The following ADGRL2 variants were observed in gnomAD, a reference collection of about 807,000 sequenced individuals.
ADGRL2 encodes calcium-independent alpha-latrotoxin receptor 2.
ADGRL2 carries 44 observed loss-of-function variants against 157.4 expected under a neutral mutation model. The ratio of observed to expected loss-of-function variants is 0.28; its 90% CI spans 0.22 to 0.36. The LOEUF (loss-of-function observed/expected upper bound fraction) is 0.36, where lower values mean the gene tolerates loss of function less well. ADGRL2 is among the 10% of genes least tolerant of loss of function. ADGRL2 has a pLI of 1.00. For missense variants in ADGRL2, 1,510 were observed against 1,768.9 expected (o/e 0.85, Z 2.63); for synonymous variants, 585 against 624.7 (o/e 0.94, Z 0.95).
At chr1:81,628,376 G>C (rs999441167) in intron 3 of ADGRL2, among the ~76,000 whole-genome samples, 1 of 152,116 alleles carries the variant, frequency 6.6e-6, no homozygotes, top group East Asian at 1.9e-4. Context: ...TGGATACTTA[G>C]TAATATTTTC....
chr1:81,684,888 G>C (rs1418014695), intron 3 of ADGRL2, among the ~76,000 whole-genome samples: 1 of 152,148 alleles, frequency 6.6e-6, no homozygotes, highest in African/African-American at 2.4e-5. Flanking sequence ...TTGTTGAAAA[G>C]GGTGTCCTTT....
chr1:81,591,764 G>A (rs935123095), intron 3 of ADGRL2, among the ~76,000 whole-genome samples: 5 of 152,094 alleles, frequency 3.3e-5, no homozygotes, highest in Non-Finnish European at 5.9e-5. Context: ...CTGCCCTATT[G>A]GAGTGCCCCA....
chr1:81,676,475 A>T (rs1280663007), intron 3 of ADGRL2, among the ~76,000 whole-genome samples: 2 of 151,778 alleles, frequency 1.3e-5, no homozygotes, highest in Non-Finnish European at 2.9e-5. Context: ...TTTTTAAAAA[A>T]TTTTTTGTAG....
chr1:81,507,963 C>T (rs2079008751), intron 2 of ADGRL2, among the ~76,000 whole-genome samples: 1 of 152,076 alleles, frequency 6.6e-6, no homozygotes, highest in Non-Finnish European at 1.5e-5. Context: ...AAATAGAAAA[C>T]ATTTCTTTTT....
At chr1:81,580,461 G>T (rs2080884044) in intron 2 of ADGRL2, among the ~76,000 whole-genome samples, 1 of 152,104 alleles carries the variant, frequency 6.6e-6, no homozygotes, top group African/African-American at 2.4e-5. Flanking sequence ...TGCCAGTGAT[G>T]CTGGGTGCCC....
At chr1:81,811,866 G>T (rs184955899) in intron 1 of ADGRL2, among the ~76,000 whole-genome samples, 1 of 151,362 alleles carries the variant, frequency 6.6e-6, no homozygotes, top group Non-Finnish European at 1.5e-5. Context: ...TAAATGAGCC[G>T]GGCAGCTTTT....
intron 1 of ADGRL2, among the ~76,000 whole-genome samples, chr1:81,746,342 G>A (rs572410073): frequency 6.6e-5 from 10 of 152,060 alleles, no homozygotes; most frequent in East Asian, 3.9e-4. Context: ...AGGCTTGAGG[G>A]CAGTGGTGTG....
At chr1:81,565,615 T>C (rs2080541282) in intron 2 of ADGRL2, among the ~76,000 whole-genome samples, 1 of 152,174 alleles carries the variant, frequency 6.6e-6, no homozygotes, top group Non-Finnish European at 1.5e-5. Context: ...CCCTCAGCCA[T>C]TTTCCTTCAT....
At chr1:81,885,223 T>G (rs1252394633) in intron 2 of ADGRL2, among the ~76,000 whole-genome samples, 1 of 152,236 alleles carries the variant, frequency 6.6e-6, no homozygotes, top group African/African-American at 2.4e-5. Context: ...CTTATAATAC[T>G]TGATTTATAA....
At chr1:81,428,158 G>C (rs1475982373) in intron 1 of ADGRL2, among the ~76,000 whole-genome samples, 1 of 152,080 alleles carries the variant, frequency 6.6e-6, no homozygotes, top group African/African-American at 2.4e-5. Flanking sequence ...AATGTAAGGG[G>C]AATCTATTCT....
At chr1:81,712,691 G>A (rs1448652740) in intron 1 of ADGRL2, among the ~76,000 whole-genome samples, 1 of 151,032 alleles carries the variant, frequency 6.6e-6, no homozygotes, top group Non-Finnish European at 1.5e-5. Context: ...TATATTAGGT[G>A]TAAGATAAGC....
At chr1:81,988,335 C>T (rs1165659820) in intron 23 of ADGRL2, 1 of 152,060 alleles carries the variant, frequency 6.6e-6, no homozygotes, top group African/African-American at 2.4e-5. Flanking sequence ...GGATTATATC[C>T]AGTGTATAGT....
intron 1 of ADGRL2, among the ~76,000 whole-genome samples, chr1:81,391,317 G>A (rs967596876): frequency 7.2e-5 from 11 of 152,294 alleles, no homozygotes; most frequent in African/African-American, 2.2e-4. Flanking sequence ...CAACACCACT[G>A]CAGCAAGTGC....
intron 4 of ADGRL2, among the ~76,000 whole-genome samples, chr1:81,940,404 G>C (rs1647452456): frequency 6.6e-6 from 1 of 151,494 alleles, no homozygotes; most frequent in African/African-American, 2.4e-5. Context: ...AGGACTAGTG[G>C]TTTATACAAA....
intron 2 of ADGRL2, among the ~76,000 whole-genome samples, chr1:81,499,699 A>T (rs2078803389): frequency 6.6e-6 from 1 of 152,222 alleles, no homozygotes; most frequent in Non-Finnish European, 1.5e-5. Flanking sequence ...TTCCACTACT[A>T]GCAAGCCCCA....
chr1:81,649,323 G>T (rs1446283930), intron 3 of ADGRL2, among the ~76,000 whole-genome samples: 3 of 152,202 alleles, frequency 2.0e-5, no homozygotes, highest in Non-Finnish European at 4.4e-5. Context: ...CTGATTCAAA[G>T]AATTTGCAAC....
At chr1:81,597,079 A>G (rs17106776) in intron 3 of ADGRL2, among the ~76,000 whole-genome samples, 22,738 of 152,242 alleles carry the variant, frequency 0.15, 1,925 homozygotes, top group Non-Finnish European at 0.18. Flanking sequence ...CAAACAAAGA[A>G]AAGATGGAAA....
intron 3 of ADGRL2, among the ~76,000 whole-genome samples, chr1:81,619,032 A>G (rs1276648925): frequency 6.6e-6 from 1 of 152,228 alleles, no homozygotes; most frequent in Non-Finnish European, 1.5e-5. Context: ...TGGAAGGATC[A>G]TTAATTAGTC....
chr1:81,455,758 T>C (rs146525486), intron 2 of ADGRL2, among the ~76,000 whole-genome samples: 309 of 152,310 alleles, frequency 2.0e-3, no homozygotes, highest in Non-Finnish European at 1.4e-3. Flanking sequence ...TTATTGTAGA[T>C]ACAGCATCAA....
Sources: gnomAD v4.1 joint callset for allele counts (sites outside exome capture counted in the v4.1 genomes callset) on GRCh38, gnomAD v4.1.1 for gene constraint, MANE v1.5 for transcripts, NCBI Gene and HGNC (gene_info 2026-07-23, HGNC 2026-07-21) for gene names.